Variants in EMCN observed in about 807,000 individuals in gnomAD.
The protein encoded by EMCN is MUC-14.
EMCN carries 37 observed loss-of-function variants against 38.4 expected under a neutral mutation model. The ratio of observed to expected loss-of-function variants is 0.96; its 90% CI spans 0.74 to 1.27. EMCN has a LOEUF of 1.27. Among genes scored for constraint, EMCN ranks in the 50% most tolerant of loss-of-function variants. The pLI, the probability that EMCN is intolerant of heterozygous loss-of-function variation, is 0.00. For missense variants in EMCN, 318 were observed against 302.8 expected (o/e 1.05, Z -0.37); for synonymous variants, 95 against 100.8 (o/e 0.94, Z 0.35).
At chr4:100,476,986 C>A (rs139597950) in intron 2 of EMCN, among the ~76,000 whole-genome samples, 1 of 151,984 alleles carries the variant, frequency 6.6e-6, no homozygotes, top group Non-Finnish European at 1.5e-5. Flanking sequence ...AAATTTTGTT[C>A]TTTATAGTTG....
intron 8 of EMCN, among the ~76,000 whole-genome samples, chr4:100,419,577 T>C (rs1194284195): frequency 6.6e-6 from 1 of 152,148 alleles, no homozygotes; most frequent in African/African-American, 2.4e-5. Flanking sequence ...ATTTTTAGTA[T>C]AGCATATTTT....
At chr4:100,451,147 T>C (rs1727826874) in intron 4 of EMCN, among the ~76,000 whole-genome samples, 1 of 151,888 alleles carries the variant, frequency 6.6e-6, no homozygotes, top group East Asian at 1.9e-4. Flanking sequence ...TAGTAGTGAT[T>C]TTTATAGCTA....
chr4:100,422,944 G>A (rs1029315343), intron 7 of EMCN, 77 bp downstream of exon 7: 6 of 1,419,950 alleles, frequency 4.2e-6, no homozygotes, highest in African/African-American at 1.4e-5. Context: ...CCCATAATCT[G>A]ATTCCTCTCC....
chr4:100,485,371 G>A (rs1398921503), intron 1 of EMCN, among the ~76,000 whole-genome samples: 1 of 151,966 alleles, frequency 6.6e-6, no homozygotes, highest in African/African-American at 2.4e-5. Flanking sequence ...ATTCTCTGGT[G>A]TATCACAGTA....
At chr4:100,470,905 T>G (rs1452063858) in intron 3 of EMCN, among the ~76,000 whole-genome samples, 1 of 151,792 alleles carries the variant, frequency 6.6e-6, no homozygotes, top group African/African-American at 2.4e-5. Context: ...TTGCAGTAAA[T>G]GAATATGAAA....
At chr4:100,482,958 A>T (rs1357936166) in intron 1 of EMCN, among the ~76,000 whole-genome samples, 1 of 152,164 alleles carries the variant, frequency 6.6e-6, no homozygotes, top group Non-Finnish European at 1.5e-5. Flanking sequence ...GATGTACTGT[A>T]AGGCTTTTCC....
intron 11 of EMCN, among the ~76,000 whole-genome samples, chr4:100,408,776 G>A (rs1726467100): frequency 6.6e-6 from 1 of 152,116 alleles, no homozygotes; most frequent in Non-Finnish European, 1.5e-5. Flanking sequence ...ACCTTGGCAT[G>A]CCACTCAGAG....
chr4:100,462,952 T>C (rs1389662443), intron 4 of EMCN, among the ~76,000 whole-genome samples: 2 of 152,176 alleles, frequency 1.3e-5, no homozygotes, highest in Admixed American at 6.5e-5. Flanking sequence ...CATCTCTTTC[T>C]ACCTTAGAGA....
chr4:100,420,624 C>T (rs1253760438), intron 8 of EMCN, among the ~76,000 whole-genome samples: 2 of 151,780 alleles, frequency 1.3e-5, no homozygotes, highest in East Asian at 3.9e-4. Context: ...TGAGTAAAGA[C>T]TAAAAGAAAT....
chr4:100,481,702 T>C (rs1186368882), intron 1 of EMCN, among the ~76,000 whole-genome samples: 1 of 152,098 alleles, frequency 6.6e-6, no homozygotes, highest in African/African-American at 2.4e-5. Flanking sequence ...AAATTTCATA[T>C]TGAGGTTGAA....
At chr4:100,475,131 A>C (rs200164963) in intron 2 of EMCN, 22 bp from the exon 3 acceptor site, 11 of 1,209,760 alleles carry the variant, frequency 9.1e-6, no homozygotes, top group Admixed American at 6.2e-5. Context: ...AAATAGATTA[A>C]ATTATTATTA....
chr4:100,438,964 T>C (rs952482300), intron 5 of EMCN, among the ~76,000 whole-genome samples: 3 of 152,168 alleles, frequency 2.0e-5, no homozygotes, highest in African/African-American at 7.2e-5. Flanking sequence ...ATTCTTTTGG[T>C]GTGCTGTTGG....
At chr4:100,413,350 C>G (rs1726617903) in intron 10 of EMCN, among the ~76,000 whole-genome samples, 1 of 151,910 alleles carries the variant, frequency 6.6e-6, no homozygotes, top group Admixed American at 6.6e-5. Flanking sequence ...GAACTGACAT[C>G]AAACCTAACC....
At chr4:100,464,726 A>G (rs1463199908) in intron 4 of EMCN, among the ~76,000 whole-genome samples, 1 of 152,022 alleles carries the variant, frequency 6.6e-6, no homozygotes, top group African/African-American at 2.4e-5. Flanking sequence ...TGACTTGTTC[A>G]TATTTTATAT....
intron 4 of EMCN, among the ~76,000 whole-genome samples, chr4:100,457,851 G>A (rs1325925630): frequency 1.3e-5 from 2 of 152,116 alleles, no homozygotes; most frequent in South Asian, 4.1e-4. Flanking sequence ...GGGTGTGGTG[G>A]CTCACACCTG....
At chr4:100,430,100 G>T (rs1578188933) in intron 5 of EMCN, among the ~76,000 whole-genome samples, 1 of 152,170 alleles carries the variant, frequency 6.6e-6, no homozygotes, top group South Asian at 2.1e-4. Context: ...CATTAAAAAG[G>T]ATTTTATTTT....
rs964162119 is a variant in EMCN, at chr4:100,395,588, C to T, written c.*2825G>A. ...ATTTTTAAAGGTCATATTCACTTTT[C>T]CTTTCAACATCATAAAATCTTGAAT... On this transcript the variant is annotated 3_prime_UTR_variant, in exon 12 of 12. Transcript: ENST00000296420. 1.3e-5 allele frequency: 2 copies of T among 152,110 alleles called. No homozygotes were observed. The highest frequency in any genetic ancestry group is 2.4e-5 in the African/African-American group (1 of 41,424). 9.4% of individuals were successfully genotyped at this position (152,110 alleles called of 1,614,324 possible).
intron 4 of EMCN, among the ~76,000 whole-genome samples, chr4:100,447,977 T>C (rs1477231291): frequency 6.6e-6 from 1 of 151,880 alleles, no homozygotes; most frequent in Non-Finnish European, 1.5e-5. Flanking sequence ...CTTTATAGGA[T>C]CTGGTATACC....
intron 5 of EMCN, among the ~76,000 whole-genome samples, chr4:100,442,965 T>C (rs1425912572): frequency 6.6e-6 from 1 of 152,214 alleles, no homozygotes; most frequent in Non-Finnish European, 1.5e-5. Flanking sequence ...TTCTCCTGCC[T>C]CAGCCTCCCA....
Sources: gnomAD v4.1 joint callset for allele counts (sites outside exome capture counted in the v4.1 genomes callset) on GRCh38, gnomAD v4.1.1 for gene constraint, MANE v1.5 for transcripts, NCBI Gene and HGNC (gene_info 2026-07-23, HGNC 2026-07-21) for gene names.